Variants in TTYH1 observed in about 807,000 individuals in gnomAD.
TTYH1 encodes the protein tweety family member 1, also known as protein tweety homolog 1.
In TTYH1, 33 loss-of-function variants were observed where a neutral mutation model predicts 61.2. The ratio of observed to expected loss-of-function variants is 0.54; its 90% confidence interval spans 0.41 to 0.72. The LOEUF (loss-of-function observed/expected upper bound fraction) is 0.72. Among genes scored for constraint, TTYH1 ranks in the 30% least tolerant of loss-of-function variants. The pLI is 0.00. For synonymous variants in TTYH1, 308 were observed against 266.4 expected, an observed-to-expected ratio of 1.16 and a Z score of -1.52; for missense variants, 538 against 575.8, an observed-to-expected ratio of 0.93 and a Z score of 0.67.
intron 5 of TTYH1, among the ~76,000 whole-genome samples, chr19:54,428,496 G>A (rs2083374212): frequency 6.6e-6 from 1 of 152,078 alleles, no homozygotes; most frequent in Admixed American, 6.6e-5. Flanking sequence ...AAAGTACTGG[G>A]TTTACAGGCA....
rs2083193605 is a variant in TTYH1, at chr19:54,420,632, G to GA, written c.306-645_306-644insA. 1 of 165,186 alleles carries GA rather than the reference G, an allele frequency of 6.1e-6. No individual in the cohort carries two copies. The highest frequency in any genetic ancestry group is 2.1e-4 in the South Asian group (1 of 4,856). 10.2% of individuals were successfully genotyped at this position (165,186 alleles called of 1,614,324 possible). On this transcript the variant is annotated intron_variant, in intron 2 of 13. Transcript: ENST00000376530. This position sits in a 1 kb window ranked among gnomAD's most constrained non-coding sequence, Gnocchi z 4.8. Reference sequence around the variant, plus strand: ...TGTGTGTCGGTAGGGTGGGGGCGGGGGCACGGCTTCTCGCCCATCCTCCAG... The same window carrying GA: ...TGTGTGTCGGTAGGGTGGGGGCGGGGAGCACGGCTTCTCGCCCATCCTCCAG...
chr19:54,430,994 A>G (rs2083429182), intron 9 of TTYH1, 89 bp downstream of exon 9: 1 of 1,433,396 alleles, frequency 7.0e-7, no homozygotes, highest in East Asian at 2.4e-5. Context: ...GCGGGGCTGC[A>G]GAGCTAGGCG....
At chr19:54,417,008 A>T in intron 1 of TTYH1, 2 of 1,185,102 alleles carry the variant, frequency 1.7e-6, no homozygotes, top group Non-Finnish European at 2.1e-6. Flanking sequence ...AGAGCCCCAC[A>T]GCCGAGGAGG....
At position 54,416,964 on chromosome 19, in the gene TTYH1, G is replaced by A. The variant is rs2083092931; in HGVS notation, c.126+1286G>A. The A allele has an allele frequency of 8.1e-7, 1 of 1,237,282 alleles. No homozygotes were observed. The highest frequency in any genetic ancestry group is 1.4e-5 in the South Asian group (1 of 72,746). 76.6% of individuals were successfully genotyped at this position (1,237,282 alleles called of 1,614,324 possible). On this transcript the variant is annotated intron_variant, in intron 1 of 13. Transcript: ENST00000376530. The surrounding 1 kb of genome is among the most constrained non-coding windows in gnomAD (Gnocchi z 7.0). Reference sequence around the variant, plus strand: ...GAGCCTCACTCCGCCCCCACGGTCGGGGGTCAGGGTCAGGGTGGCAGGGAT... The same window carrying A: ...GAGCCTCACTCCGCCCCCACGGTCGAGGGTCAGGGTCAGGGTGGCAGGGAT...
chr19:54,436,064 C>T lies in TTYH1; in HGVS notation c.1315-27C>T. ...CAATTCCCACTCCATTCCCTCCTCT[C>T]CCCCGCTACCCCGAATCTCCTAGCA... On this transcript the variant is annotated intron_variant, in intron 12 of 13. Coordinates refer to ENST00000376530, the MANE Select transcript of TTYH1 (RefSeq NM_020659.4). This position sits in a 1 kb window ranked among gnomAD's most constrained non-coding sequence, Gnocchi z 4.3. 2 of 1,610,888 alleles carry T rather than the reference C, an allele frequency of 1.2e-6. No individual in the cohort carries two copies. The highest frequency in any genetic ancestry group is 1.7e-6 in the Non-Finnish European group (2 of 1,177,346).
At chr19:54,431,374 AC>A (rs1280276218) in intron 10 of TTYH1, 183 bp downstream of exon 10, 1 of 590,916 alleles carries the variant, frequency 1.7e-6, no homozygotes, top group Non-Finnish European at 3.0e-6. Flanking sequence ...TCGTCTACCT[AC>A]CTATCAAGCA....
At position 54,420,952 on chromosome 19, in the gene TTYH1, C is replaced by T. The variant is rs536051186; in HGVS notation, c.306-325C>T. The T allele has an allele frequency of 2.8e-4, 120 of 424,480 alleles. No individual in the cohort carries two copies. Among genetic ancestry groups the T allele is most frequent in the African/African-American group, 1.0e-3 (50 of 49,700 alleles). 26.3% of individuals were successfully genotyped at this position (424,480 alleles called of 1,614,324 possible). A position where few individuals can be genotyped will look rare whatever the true frequency, so the allele number is the denominator to read the frequency against. ...GCAGGCAGTCCTAGGGAGGGGAAGA[C>T]GGCCCATCCCGGAGCTGGGTGTGAC... On this transcript the variant is annotated intron_variant, in intron 2 of 13. Transcript: ENST00000376530. The surrounding 1 kb of genome is among the most constrained non-coding windows in gnomAD (Gnocchi z 4.8).
At position 54,435,668 on chromosome 19, in the gene TTYH1, G is replaced by T; in HGVS notation, c.1252G>T (p.Ala418Ser). ...CCTCTGCAGCCTGCCCCGAGCCTGG[G>T]CCCTCTTCCCACCCAGGTCAGGAGC... ...TALCSLPRAW[A>S]LFPPSDDYDD... is the part of the protein sequence containing the mutation. Residue 418 changes from alanine to serine, a missense_variant, in exon 11 of 14, where the codon GCC becomes TCC. Physicochemically the swap from Ala to Ser is moderately conservative, Grantham distance 99. This residue lies in a region of TTYH1 where 378 missense variants were observed against 401.2 expected (regional missense o/e 0.94). Coordinates refer to ENST00000376530, the MANE Select transcript of TTYH1 (RefSeq NM_020659.4). 6.2e-7 allele frequency: 1 copy of T among 1,610,188 alleles called. No homozygotes were observed. Among genetic ancestry groups the T allele is most frequent in the Non-Finnish European group, 8.5e-7 (1 of 1,178,394 alleles).
rs142209565 is a variant in TTYH1, at chr19:54,416,983, C to G, written c.126+1305C>G. The G allele has an allele frequency of 1.1e-3, 1,336 of 1,208,848 alleles. 10 individuals carry two copies. The African/African-American group carries it at 0.011, about 10-fold the overall frequency. The allele number at this position is 1,208,848 out of a possible 1,614,324, so 74.9% of individuals were successfully genotyped here. Reference sequence around the variant, plus strand: ...CGGTCGGGGGTCAGGGTCAGGGTGGCAGGGATGCGCGGGCAGAGCCCCACA... The same window carrying G: ...CGGTCGGGGGTCAGGGTCAGGGTGGGAGGGATGCGCGGGCAGAGCCCCACA... On this transcript the variant is annotated intron_variant, in intron 1 of 13. Transcript: ENST00000376530. The surrounding 1 kb of genome is among the most constrained non-coding windows in gnomAD (Gnocchi z 7.0).
Position 54,429,351 on chromosome 19 carries a change from C to G in TTYH1, c.779C>G (p.Ser260Cys). Residue 260 changes from serine to cysteine, a missense_variant, in exon 6 of 14, where the codon TCC becomes TGC. Physicochemically the swap from Ser to Cys is moderately radical, Grantham distance 112 (BLOSUM62 -1). This residue lies in a region of TTYH1 where 378 missense variants were observed against 401.2 expected (regional missense o/e 0.94). Transcript: ENST00000376530. This position sits in a 1 kb window ranked among gnomAD's most constrained non-coding sequence, Gnocchi z 5.1. ...SLLVLVLSWG[S>C]MGLEAATAVG... ...CTGGTTCTCGTCCTGAGCTGGGGCT[C>G]CATGGGCCTGGAGGCAGCCACGGCC... 1.2e-6 allele frequency: 2 copies of G among 1,614,098 alleles called. No individual in the cohort carries two copies. Among genetic ancestry groups the G allele is most frequent in the East Asian group, 2.2e-5 (1 of 44,878 alleles).
In TTYH1 at chr19:54,416,533, G is replaced by A. The variant is rs2083081403; in HGVS notation, c.126+855G>A. On this transcript the variant is annotated intron_variant, in intron 1 of 13. Transcript: ENST00000376530. The surrounding 1 kb of genome is among the most constrained non-coding windows in gnomAD (Gnocchi z 7.0). ...GTGGGGGTGCTGGGAGTCCCGATGT[G>A]GCCCCAGGACGGGTCCTGGCCCTGC... 3.2e-6 allele frequency: 1 copy of A among 314,970 alleles called. No homozygotes were observed. The highest frequency in any genetic ancestry group is 2.3e-5 in the African/African-American group (1 of 43,922). 19.5% of individuals were successfully genotyped at this position (314,970 alleles called of 1,614,324 possible). A position where few individuals can be genotyped will look rare whatever the true frequency, so the allele number is the denominator to read the frequency against.
In TTYH1 at chr19:54,435,670, C is replaced by T. The variant is rs1731268358; in HGVS notation, c.1254C>T (p.Ala418=). 5.0e-6 allele frequency: 8 copies of T among 1,609,900 alleles called. No homozygotes were observed. The highest frequency in any genetic ancestry group is 5.9e-6 in the Non-Finnish European group (7 of 1,178,208). Residue 418 remains alanine (A), a synonymous_variant, in exon 11 of 14, where the codon GCC becomes GCT. Coordinates refer to ENST00000376530, the MANE Select transcript of TTYH1 (RefSeq NM_020659.4). ...TCTGCAGCCTGCCCCGAGCCTGGGC[C>T]CTCTTCCCACCCAGGTCAGGAGCGG... ...TALCSLPRAW[A]LFPPSDDYDD...
intron 9 of TTYH1, 31 bp from the exon 10 acceptor site, chr19:54,431,068 C>G (rs1352780195): frequency 1.3e-6 from 2 of 1,569,694 alleles, no homozygotes; most frequent in South Asian, 2.2e-5. Flanking sequence ...CTGAAGAGTT[C>G]GTGGGAAAAC....
rs2122842493 is a variant in TTYH1, at chr19:54,416,544, G to T, written c.126+866G>T. The T allele has an allele frequency of 9.2e-6, 3 of 326,122 alleles. No individual in the cohort carries two copies. The highest frequency in any genetic ancestry group is 6.8e-5 in the South Asian group (3 of 44,160). The allele number at this position is 326,122 out of a possible 1,614,324, so 20.2% of individuals were successfully genotyped here. On this transcript the variant is annotated intron_variant, in intron 1 of 13. Transcript: ENST00000376530. The surrounding 1 kb of genome is among the most constrained non-coding windows in gnomAD (Gnocchi z 7.0). ...GGGAGTCCCGATGTGGCCCCAGGACGGGTCCTGGCCCTGCTGATGGGGCCT... is the reference window on the plus strand; with the variant it reads ...GGGAGTCCCGATGTGGCCCCAGGACTGGTCCTGGCCCTGCTGATGGGGCCT...
chr19:54,433,478 T>G (rs1032458809), intron 10 of TTYH1: 1 of 149,948 alleles, frequency 6.7e-6, no homozygotes, highest in African/African-American at 2.5e-5. Context: ...GAGAATTGCT[T>G]GAACCTGGGC....
intron 4 of TTYH1, among the ~76,000 whole-genome samples, chr19:54,424,990 G>A (rs927862424): frequency 7.2e-5 from 11 of 152,166 alleles, no homozygotes; most frequent in African/African-American, 1.9e-4. Context: ...TTGGCCTCAC[G>A]GATTCCAAGG....
chr19:54,415,866 C>G lies in TTYH1; in HGVS notation c.126+188C>G, dbSNP rs571707872. On this transcript the variant is annotated intron_variant, in intron 1 of 13. Transcript: ENST00000376530. The surrounding 1 kb of genome is among the most constrained non-coding windows in gnomAD (Gnocchi z 5.2). ...TGCCTGGAGGTTCTCCTGGGACGCG[C>G]GCTGGGGGTCCAGACCTCGAGCTCT... is the stretch of plus-strand genomic sequence containing the variant. The G allele has an allele frequency of 4.2e-4, 335 of 795,956 alleles. No individual in the cohort carries two copies. The African/African-American group carries it at 5.6e-3, about 13-fold the overall frequency. 49.3% of individuals were successfully genotyped at this position (795,956 alleles called of 1,614,324 possible). A position where few individuals can be genotyped will look rare whatever the true frequency, so the allele number is the denominator to read the frequency against.
In TTYH1 at chr19:54,416,423, G is replaced by A; in HGVS notation, c.126+745G>A. 1 of 272,618 alleles carries A rather than the reference G, an allele frequency of 3.7e-6. No homozygotes were observed. The highest frequency in any genetic ancestry group is 7.3e-6 in the Non-Finnish European group (1 of 136,352). 16.9% of individuals were successfully genotyped at this position (272,618 alleles called of 1,614,324 possible). A position where few individuals can be genotyped will look rare whatever the true frequency, so the allele number is the denominator to read the frequency against. On this transcript the variant is annotated intron_variant, in intron 1 of 13. Transcript: ENST00000376530. The surrounding 1 kb of genome is among the most constrained non-coding windows in gnomAD (Gnocchi z 7.0). Reference sequence around the variant, plus strand: ...CCGGCTCGGGGCAGCTCCAATGGGCGAAAGAGCTGTCCCCTGACCCAGTTT... The same window carrying A: ...CCGGCTCGGGGCAGCTCCAATGGGCAAAAGAGCTGTCCCCTGACCCAGTTT...
chr19:54,419,049 C>T lies in TTYH1; in HGVS notation c.127-79C>T. Reference sequence around the variant, plus strand: ...CACTCTGACATCCCAGACCCCGACCCCCCAGCCACGCAGGAAGGGGGATCT... The same window carrying T: ...CACTCTGACATCCCAGACCCCGACCTCCCAGCCACGCAGGAAGGGGGATCT... On this transcript the variant is annotated intron_variant, in intron 1 of 13. Transcript: ENST00000376530. This position sits in a 1 kb window ranked among gnomAD's most constrained non-coding sequence, Gnocchi z 6.1. 1 of 1,449,178 alleles carries T rather than the reference C, an allele frequency of 6.9e-7. No homozygotes were observed. Among genetic ancestry groups the T allele is most frequent in the South Asian group, 1.3e-5 (1 of 75,698 alleles). The allele number at this position is 1,449,178 out of a possible 1,614,324, so 89.8% of individuals were successfully genotyped here. A position where few individuals can be genotyped will look rare whatever the true frequency, so the allele number is the denominator to read the frequency against.
Sources: allele counts gnomAD v4.1 joint callset (sites outside exome capture counted in the v4.1 genomes callset), GRCh38; gene constraint gnomAD v4.1.1; regional missense constraint gnomAD v4.1.1; non-coding constraint Gnocchi (gnomAD v3.1); transcripts MANE v1.5; gene names NCBI Gene and HGNC (gene_info 2026-07-23, HGNC 2026-07-21).